Variants in RANBP2 observed in about 807,000 individuals in gnomAD.
RANBP2 encodes RAN binding protein 2.
Under a neutral mutation model 303.6 loss-of-function variants are expected in RANBP2, and 57 were observed. The observed-to-expected ratio is 0.19, with a 90% CI of 0.15 to 0.23. The LOEUF (loss-of-function observed/expected upper bound fraction) is 0.23. Ranked by LOEUF, RANBP2 falls within the 10% of genes least tolerant of loss-of-function variation. The pLI, the probability that RANBP2 is intolerant of heterozygous loss-of-function variation, is 1.00. For synonymous variants in RANBP2, 1,167 were observed against 1,301.5 expected (o/e 0.90, Z 2.23); for missense variants, 3,138 against 3,780.8 (o/e 0.83, Z 4.46).
the RANBP2 span, among the ~76,000 whole-genome samples, chr2:109,678,171 C>T: frequency 6.6e-6 from 1 of 152,208 alleles, no homozygotes; most frequent in Admixed American, 6.5e-5. Flanking sequence ...GTTTTTTGAC[C>T]TATTTCAGCT....
the RANBP2 span, chr2:108,815,954 G>A: frequency 2.4e-5 from 38 of 1,608,404 alleles, no homozygotes; most frequent in Non-Finnish European, 3.1e-5. Flanking sequence ...CCACTTAATG[G>A]GCAAGTTTAT....
the RANBP2 span, among the ~76,000 whole-genome samples, chr2:109,658,157 G>A: frequency 6.6e-6 from 1 of 151,886 alleles, no homozygotes; most frequent in Admixed American, 6.6e-5. Flanking sequence ...ATTCTTAATA[G>A]GTATAAATCA....
intron 28 of RANBP2, 52 bp downstream of exon 28, chr2:108,782,914 A>C: frequency 6.8e-7 from 1 of 1,467,448 alleles, no homozygotes; most frequent in Non-Finnish European, 9.5e-7. Flanking sequence ...AGTGCACCAC[A>C]CTAATGGGAA....
intron 3 of RANBP2, 129 bp downstream of exon 3, chr2:108,731,014 G>A (rs1429561663): frequency 1.4e-5 from 17 of 1,208,740 alleles, no homozygotes; most frequent in African/African-American, 3.0e-5. Context: ...GTACAGTTAC[G>A]TGACACAGCT....
chr2:108,821,470 A>G, the RANBP2 span, among the ~76,000 whole-genome samples: 1 of 152,226 alleles, frequency 6.6e-6, no homozygotes, highest in African/African-American at 2.4e-5. Flanking sequence ...TATAACTTTA[A>G]GATGTTTTAT....
the RANBP2 span, among the ~76,000 whole-genome samples, chr2:108,979,422 G>GTC: frequency 2.3e-5 from 1 of 43,228 alleles, no homozygotes; most frequent in African/African-American, 4.5e-5. Context: ...TTTGGTTGCT[G>GTC]TCTCTCTCTC....
At chr2:109,012,327 G>A in the RANBP2 span, among the ~76,000 whole-genome samples, 1 of 152,176 alleles carries the variant, frequency 6.6e-6, no homozygotes, top group Admixed American at 6.5e-5. Flanking sequence ...CTCCACACTT[G>A]GGGTGCCAAC....
chr2:109,572,415 G>A, the RANBP2 span, among the ~76,000 whole-genome samples: 10 of 152,116 alleles, frequency 6.6e-5, no homozygotes, highest in East Asian at 7.8e-4. Flanking sequence ...TTACAGGCAC[G>A]AGCCACCGTA....
chr2:109,654,002 G>T, the RANBP2 span, among the ~76,000 whole-genome samples: 1 of 152,182 alleles, frequency 6.6e-6, no homozygotes. Flanking sequence ...ATAAGCAGAG[G>T]TGATGAATAA....
At chr2:108,879,109 A>G in the RANBP2 span, among the ~76,000 whole-genome samples, 2 of 152,344 alleles carry the variant, frequency 1.3e-5, no homozygotes, top group Admixed American at 6.5e-5. Context: ...AGAAATCTGC[A>G]CTAGCAAACC....
chr2:109,365,683 G>A, the RANBP2 span, among the ~76,000 whole-genome samples: 6 of 152,146 alleles, frequency 3.9e-5, no homozygotes, highest in African/African-American at 1.4e-4. Context: ...AAAAGCCACA[G>A]ACACTGTTTT....
the RANBP2 span, among the ~76,000 whole-genome samples, chr2:109,255,768 T>G: frequency 3.5e-3 from 526 of 152,338 alleles, 3 homozygotes; most frequent in Non-Finnish European, 5.3e-3. Context: ...GAATCTCAGC[T>G]TCCTGATTTA....
the RANBP2 span, among the ~76,000 whole-genome samples, chr2:109,038,120 A>G: frequency 1.3e-5 from 2 of 152,226 alleles, no homozygotes; most frequent in Non-Finnish European, 2.9e-5. Flanking sequence ...CAGAAAACCC[A>G]GAAACAGACC....
At chr2:109,046,975 C>T in the RANBP2 span, among the ~76,000 whole-genome samples, 4 of 152,160 alleles carry the variant, frequency 2.6e-5, no homozygotes, top group African/African-American at 7.2e-5. Flanking sequence ...CAACCCTGCT[C>T]ATCCTCCTGG....
At chr2:109,338,793 G>C in the RANBP2 span, among the ~76,000 whole-genome samples, 1 of 152,230 alleles carries the variant, frequency 6.6e-6, no homozygotes, top group African/African-American at 2.4e-5. Context: ...CTTGACCTCA[G>C]GTGATCCACC....
At chr2:109,501,375 A>G in the RANBP2 span, 4 of 528,674 alleles carry the variant, frequency 7.6e-6, no homozygotes, top group East Asian at 5.8e-5. Flanking sequence ...ATAAAGATAA[A>G]TAGAAATTGT....
the RANBP2 span, among the ~76,000 whole-genome samples, chr2:109,006,884 C>T: frequency 1.1e-4 from 16 of 152,072 alleles, no homozygotes; most frequent in Non-Finnish European, 4.4e-5. Flanking sequence ...ATGAGGAAGA[C>T]GGGTTATGAG....
chr2:109,675,266 G>A, the RANBP2 span, among the ~76,000 whole-genome samples: 2 of 152,254 alleles, frequency 1.3e-5, no homozygotes, highest in African/African-American at 4.8e-5. Flanking sequence ...TCGAAGGACA[G>A]CTTGGCAAAG....
chr2:109,133,856 A>G, the RANBP2 span, among the ~76,000 whole-genome samples: 5 of 152,026 alleles, frequency 3.3e-5, no homozygotes, highest in East Asian at 5.8e-4. Context: ...CCTGATAAGC[A>G]CAGGCTTCCC....
Sources: allele counts gnomAD v4.1 joint callset (sites outside exome capture counted in the v4.1 genomes callset), GRCh38; gene constraint gnomAD v4.1.1; transcripts MANE v1.5; gene names NCBI Gene and HGNC (gene_info 2026-07-23, HGNC 2026-07-21).